The following ANPEP variants were observed in gnomAD, a reference collection of about 807,000 sequenced individuals.
ANPEP encodes the protein alanyl aminopeptidase, membrane, also known as aminopeptidase N.
In ANPEP, 70 loss-of-function variants were observed where a neutral mutation model predicts 114.6. That is an observed-to-expected ratio of 0.61 (90% CI 0.50 to 0.75). The LOEUF is 0.75. Among genes scored for constraint, ANPEP ranks in the 30% least tolerant of loss-of-function variants. The pLI, the probability that ANPEP is intolerant of heterozygous loss-of-function variation, is 0.00. For synonymous variants in ANPEP, 548 were observed against 522.3 expected, an observed-to-expected ratio of 1.05 and a Z score of -0.67; for missense variants, 1,184 against 1,259.5, an observed-to-expected ratio of 0.94 and a Z score of 0.91.
At chr15:89,812,320 G>C (rs985616658) in intron 1 of ANPEP, among the ~76,000 whole-genome samples, 2 of 152,258 alleles carry the variant, frequency 1.3e-5, no homozygotes, top group South Asian at 2.1e-4. Flanking sequence ...TCTGCTCTGA[G>C]GGAGCAGTGA....
rs1332257759 is a variant in ANPEP, at chr15:89,799,058, G to A, written c.2009+202C>T. ...GTCTGGCTGTCATGAACTACTGTGTGACTTCGGGCAAGGTGTCACATTCTT... is the reference window on the plus strand; with the variant it reads ...GTCTGGCTGTCATGAACTACTGTGTAACTTCGGGCAAGGTGTCACATTCTT... On this transcript the variant is annotated intron_variant, in intron 14 of 20. Coordinates refer to ENST00000300060, the MANE Select transcript of ANPEP (RefSeq NM_001150.3). The surrounding 1 kb of genome is among the most constrained non-coding windows in gnomAD (Gnocchi z 4.2). Among the ~76,000 whole-genome samples, 3 of 152,258 alleles carry A rather than the reference G, an allele frequency of 2.0e-5. No individual in the cohort carries two copies. Among genetic ancestry groups the A allele is most frequent in the African/African-American group, 7.2e-5 (3 of 41,468 alleles).
chr15:89,790,884 C>T (rs191482545), intron 19 of ANPEP, 69 bp downstream of exon 19: 45 of 1,577,278 alleles, frequency 2.9e-5, no homozygotes, highest in Middle Eastern at 3.4e-4. Flanking sequence ...GTGTCTTACC[C>T]GCACAGGCCA....
chr15:89,792,683 C>A, intron 16 of ANPEP, 121 bp from the exon 17 acceptor site: 2 of 827,256 alleles, frequency 2.4e-6, no homozygotes, highest in Non-Finnish European at 3.9e-6. Flanking sequence ...GGCCCTCTGA[C>A]CCCCGCTGTA....
At chr15:89,786,137 T>C (rs780916719) in intron 20 of ANPEP, among the ~76,000 whole-genome samples, 11 of 152,136 alleles carry the variant, frequency 7.2e-5, no homozygotes, top group Non-Finnish European at 1.5e-4. Flanking sequence ...AAAATGAAAT[T>C]AAGAAAACAA....
chr15:89,789,666 G>C (rs945784966), intron 20 of ANPEP, among the ~76,000 whole-genome samples: 1 of 151,244 alleles, frequency 6.6e-6, no homozygotes, highest in Non-Finnish European at 1.5e-5. Flanking sequence ...CCAGCTACTC[G>C]GGAAGCTGAG....
At chr15:89,796,153 C>T (rs185698655) in intron 15 of ANPEP, among the ~76,000 whole-genome samples, 3 of 152,290 alleles carry the variant, frequency 2.0e-5, no homozygotes, top group East Asian at 3.9e-4. Context: ...GTATTTGAGG[C>T]TGCAGTGAAG....
chr15:89,798,225 C>T (rs978818107), intron 14 of ANPEP, among the ~76,000 whole-genome samples: 7 of 152,214 alleles, frequency 4.6e-5, no homozygotes, highest in African/African-American at 1.4e-4. Flanking sequence ...GAGTACCTCA[C>T]CCCAAACAGA....
At position 89,785,831 on chromosome 15, in the gene ANPEP, C is replaced by T. The variant is rs1968497606; in HGVS notation, c.2752-330G>A. Among the ~76,000 whole-genome samples, 3 of 151,982 alleles carry T rather than the reference C, an allele frequency of 2.0e-5. No homozygotes were observed. The South Asian group carries it at 6.2e-4, about 31-fold the overall frequency. On this transcript the variant is annotated intron_variant, in intron 20 of 20. Coordinates refer to ENST00000300060, the MANE Select transcript of ANPEP (RefSeq NM_001150.3). ...AATCTAAAATGTGGAAATTTCTATA[C>T]CACAAATGATCCAGTTGCTTCAGTA...
intron 20 of ANPEP, among the ~76,000 whole-genome samples, chr15:89,787,224 T>C (rs1968524015): frequency 6.6e-6 from 1 of 151,926 alleles, no homozygotes; most frequent in Non-Finnish European, 1.5e-5. Context: ...TTTCGTATTT[T>C]TTAGTAGGGA....
chr15:89,799,555 C>G lies in ANPEP; in HGVS notation c.1824G>C (p.Gln608His), dbSNP rs745851142. The G allele has an allele frequency of 3.1e-6, 5 of 1,614,196 alleles. No individual in the cohort carries two copies. The highest frequency in any genetic ancestry group is 4.2e-6 in the Non-Finnish European group (5 of 1,180,040). Residue 608 changes from glutamine to histidine, a missense_variant, in exon 13 of 21, where the codon CAG becomes CAC. By Grantham distance (24) the Gln-to-His change is conservative (BLOSUM62 0). Transcript: ENST00000300060. This position sits in a 1 kb window ranked among gnomAD's most constrained non-coding sequence, Gnocchi z 4.2. ...TGCCTGATGTGCTGAAGAGATCGTTCTGGGCTGTGGAGAGGGACGAGACCT... is the reference window on the plus strand; with the variant it reads ...TGCCTGATGTGCTGAAGAGATCGTTGTGGGCTGTGGAGAGGGACGAGACCT... ...QDYWLIDVRA[Q>H]NDLFSTSGNE... is the part of the protein sequence containing the mutation.
At chr15:89,801,307 C>T in intron 11 of ANPEP, 120 bp from the exon 12 acceptor site, 4 of 1,542,008 alleles carry the variant, frequency 2.6e-6, no homozygotes, top group Non-Finnish European at 2.7e-6. Context: ...GAACTCCTGG[C>T]TCTGGAGGGA....
chr15:89,796,169 T>G (rs1015130901), intron 15 of ANPEP, among the ~76,000 whole-genome samples: 2 of 152,190 alleles, frequency 1.3e-5, no homozygotes, highest in African/African-American at 4.8e-5. Flanking sequence ...TGAAGCTTGA[T>G]TGCACCACTG....
chr15:89,810,237 G>A (rs1165189188), intron 1 of ANPEP, among the ~76,000 whole-genome samples: 3 of 152,090 alleles, frequency 2.0e-5, no homozygotes, highest in Non-Finnish European at 4.4e-5. Context: ...AAATTAGCTG[G>A]GCATGGTAGC....
Position 89,803,195 on chromosome 15 carries a change from A to G in ANPEP, c.1569+44T>C, listed in dbSNP as rs1243705996. On this transcript the variant is annotated intron_variant, in intron 10 of 20. Coordinates refer to ENST00000300060, the MANE Select transcript of ANPEP (RefSeq NM_001150.3). This position sits in a 1 kb window ranked among gnomAD's most constrained non-coding sequence, Gnocchi z 4.2. ...TGCCCCCAGGTACCTTCAGCATCTCAAGACCCCAACAGGATGGCTGTGGAG... is the reference window on the plus strand; with the variant it reads ...TGCCCCCAGGTACCTTCAGCATCTCGAGACCCCAACAGGATGGCTGTGGAG... 4 of 1,596,076 alleles carry G rather than the reference A, an allele frequency of 2.5e-6. No homozygotes were observed. In the East Asian group the frequency reaches 8.9e-5, roughly 36 times the overall value.
In ANPEP at chr15:89,791,213, G is replaced by A. The variant is rs535598126; in HGVS notation, c.2529-120C>T. ...TCTCAACATCCCCTCGGCCTGCCAG[G>A]GGCTGAGGGACCCCTTGGTCCTTCT... On this transcript the variant is annotated intron_variant, in intron 18 of 20. Transcript: ENST00000300060. The A allele has an allele frequency of 2.1e-4, 251 of 1,176,222 alleles. No individual in the cohort carries two copies. In the African/African-American group the frequency reaches 3.4e-3, roughly 16 times the overall value. 72.9% of individuals were successfully genotyped at this position (1,176,222 alleles called of 1,614,324 possible). A position where few individuals can be genotyped will look rare whatever the true frequency, so the allele number is the denominator to read the frequency against.
intron 1 of ANPEP, among the ~76,000 whole-genome samples, chr15:89,812,581 G>A (rs947081932): frequency 6.6e-6 from 1 of 152,120 alleles, no homozygotes; most frequent in Admixed American, 6.5e-5. Context: ...TTGTGGGTGG[G>A]GGAAGTACAC....
intron 1 of ANPEP, 143 bp downstream of exon 1, chr15:89,814,629 C>G (rs1292841697): frequency 6.6e-6 from 1 of 152,314 alleles, no homozygotes; most frequent in Non-Finnish European, 1.5e-5. Flanking sequence ...GTTTACCCAT[C>G]TGGGAAGAGG....
rs1894640368 is a variant in ANPEP at position 89,803,559 on chromosome 15, C to T, written c.1438-52G>A. 6.2e-7 allele frequency: 1 copy of T among 1,602,756 alleles called. No individual in the cohort carries two copies. Among genetic ancestry groups the T allele is most frequent in the Non-Finnish European group, 8.5e-7 (1 of 1,176,566 alleles). On this transcript the variant is annotated intron_variant, in intron 8 of 20. Transcript: ENST00000300060. The surrounding 1 kb of genome is among the most constrained non-coding windows in gnomAD (Gnocchi z 4.2). ...GAAGGCTGTGCAGAGCCACCAGGAC[C>T]CTGTGCCCCCAGACCCTGCCTTCAG...
At chr15:89,790,710 G>A (rs149507309) in intron 19 of ANPEP, among the ~76,000 whole-genome samples, 169 bp from the exon 20 acceptor site, 81 of 152,266 alleles carry the variant, frequency 5.3e-4, no homozygotes, top group Middle Eastern at 3.4e-3. Flanking sequence ...TCTGACTGCC[G>A]AGTTCCTCAC....
Sources: allele counts gnomAD v4.1 joint callset (sites outside exome capture counted in the v4.1 genomes callset), GRCh38; gene constraint gnomAD v4.1.1; non-coding constraint Gnocchi (gnomAD v3.1); transcripts MANE v1.5; gene names NCBI Gene and HGNC (gene_info 2026-07-23, HGNC 2026-07-21).